The following DGLUCY variants were observed in gnomAD, a reference collection of about 807,000 sequenced individuals.
DGLUCY encodes the protein D-glutamate cyclase, mitochondrial.
DGLUCY carries 58 observed loss-of-function variants against 58.5 expected under a neutral mutation model. That is an observed-to-expected ratio of 0.99 (90% CI 0.80 to 1.23). The LOEUF (loss-of-function observed/expected upper bound fraction) is 1.23, where lower values mean the gene tolerates loss of function less well. DGLUCY is among the 50% of genes most tolerant of loss of function. The pLI is 0.00. For missense variants in DGLUCY, 779 were observed against 784.7 expected, an observed-to-expected ratio of 0.99 and a Z score of 0.09; for synonymous variants, 325 against 314.1, an observed-to-expected ratio of 1.03 and a Z score of -0.37.
At chr14:91,116,383 A>C (rs2044943818) in intron 1 of DGLUCY, among the ~76,000 whole-genome samples, 1 of 152,236 alleles carries the variant, frequency 6.6e-6, no homozygotes, top group Non-Finnish European at 1.5e-5. Flanking sequence ...GAGAAACTAA[A>C]TGACTGCCCT....
intron 1 of DGLUCY, among the ~76,000 whole-genome samples, chr14:91,136,466 T>G (rs918209630): frequency 6.6e-6 from 1 of 151,774 alleles, no homozygotes; most frequent in African/African-American, 2.4e-5. Flanking sequence ...GCAGATCACT[T>G]GAGGTCAGGA....
intron 13 of DGLUCY, 91 bp from the exon 14 acceptor site, chr14:91,224,593 C>G: frequency 7.4e-7 from 1 of 1,342,518 alleles, no homozygotes; most frequent in Non-Finnish European, 9.8e-7. Flanking sequence ...TATGTCAAGG[C>G]AAAGGATCCT....
At chr14:91,086,102 G>A (rs2044213383) in intron 1 of DGLUCY, among the ~76,000 whole-genome samples, 1 of 152,162 alleles carries the variant, frequency 6.6e-6, no homozygotes, top group South Asian at 2.1e-4. Context: ...AGGGATCTAG[G>A]TTTTGTGCTC....
intron 1 of DGLUCY, among the ~76,000 whole-genome samples, chr14:91,066,197 G>A (rs2043816462): frequency 6.6e-6 from 1 of 151,924 alleles, no homozygotes; most frequent in Non-Finnish European, 1.5e-5. Context: ...GGCCAACATG[G>A]TGAAACCCTG....
At chr14:91,134,151 T>C (rs1017043224) in intron 1 of DGLUCY, among the ~76,000 whole-genome samples, 9 of 152,192 alleles carry the variant, frequency 5.9e-5, no homozygotes, top group Admixed American at 2.0e-4. Context: ...CCCTTGACCC[T>C]TCCCTGTAAG....
At chr14:91,062,208 G>C (rs969750234) in intron 1 of DGLUCY, among the ~76,000 whole-genome samples, 1 of 152,042 alleles carries the variant, frequency 6.6e-6, no homozygotes, top group Admixed American at 6.6e-5. Context: ...TAGTTTTCAT[G>C]TATCGTAATA....
intron 1 of DGLUCY, among the ~76,000 whole-genome samples, chr14:91,157,273 GGATGGATGGGTGGGTGGATA>G (rs1307710496): frequency 1.3e-5 from 2 of 150,536 alleles, no homozygotes; most frequent in Admixed American, 1.3e-4. Context: ...ATGGGTGGAT[GGATGGATGGGTGGGTGGATA>G]GATGGATGGA....
intron 8 of DGLUCY, among the ~76,000 whole-genome samples, chr14:91,181,997 T>TTTA (rs2049207968): frequency 4.5e-5 from 6 of 132,018 alleles, no homozygotes; most frequent in African/African-American, 1.9e-4. Flanking sequence ...TTATTTATTT[T>TTTA]TGAGATGGAG....
At chr14:91,102,736 A>AGAGTGTATGT (rs1555391094) in intron 1 of DGLUCY, among the ~76,000 whole-genome samples, 12 of 60,734 alleles carry the variant, frequency 2.0e-4, no homozygotes, top group African/African-American at 5.5e-4. Context: ...GACCCCTTCC[A>AGAGTGTATGT]GTGTGTATGT....
chr14:91,115,892 G>T (rs2044906810), intron 1 of DGLUCY, among the ~76,000 whole-genome samples: 1 of 152,176 alleles, frequency 6.6e-6, no homozygotes, highest in Non-Finnish European at 1.5e-5. Flanking sequence ...GTAGCTGCTG[G>T]TTTGCCAAAG....
intron 3 of DGLUCY, 71 bp from the exon 4 acceptor site, chr14:91,167,151 AAAG>A (rs1414906343): frequency 5.3e-6 from 8 of 1,498,682 alleles, no homozygotes; most frequent in Middle Eastern, 5.0e-4. Context: ...AAAAAAAAAA[AAAG>A]AAAGAAAATC....
At chr14:91,179,339 CTG>C (rs2049030225) in intron 7 of DGLUCY, among the ~76,000 whole-genome samples, 1 of 152,178 alleles carries the variant, frequency 6.6e-6, no homozygotes, top group African/African-American at 2.4e-5. Context: ...AATCCCAGCA[CTG>C]TGGTAGGCTG....
intron 8 of DGLUCY, among the ~76,000 whole-genome samples, chr14:91,187,985 C>T (rs970498759): frequency 3.9e-5 from 6 of 152,142 alleles, no homozygotes; most frequent in African/African-American, 1.4e-4. Flanking sequence ...TGTACCATTT[C>T]CCTTCCCTCT....
At chr14:91,207,963 G>A (rs986159893) in intron 12 of DGLUCY, among the ~76,000 whole-genome samples, 4 of 152,082 alleles carry the variant, frequency 2.6e-5, no homozygotes. Context: ...GGTCAGGCTG[G>A]TCTCAAACTC....
chr14:91,159,471 A>G (rs1464536510), intron 2 of DGLUCY, among the ~76,000 whole-genome samples: 1 of 152,124 alleles, frequency 6.6e-6, no homozygotes, highest in Admixed American at 6.5e-5. Flanking sequence ...ACAAACAAAA[A>G]AGAAGTCAAC....
At chr14:91,138,880 C>A (rs954728339) in intron 1 of DGLUCY, among the ~76,000 whole-genome samples, 1 of 152,050 alleles carries the variant, frequency 6.6e-6, no homozygotes, top group African/African-American at 2.4e-5. Context: ...TATTGGCCTT[C>A]GAGACCATGA....
chr14:91,139,738 T>C (rs2046544169), intron 1 of DGLUCY, among the ~76,000 whole-genome samples: 1 of 152,194 alleles, frequency 6.6e-6, no homozygotes, highest in African/African-American at 2.4e-5. Flanking sequence ...ACAATCAAGG[T>C]GACACATAAA....
Position 91,215,440 on chromosome 14 carries a change from G to T in DGLUCY, c.1600G>T (p.Ala534Ser), listed in dbSNP as rs115874122. The change falls in exon 13 of 14, where the codon GCA becomes TCA. Residue 534 changes from alanine to serine, a missense_variant. Ala to Ser is a moderately conservative substitution (Grantham distance 99). Coordinates refer to ENST00000256324, the MANE Select transcript of DGLUCY (RefSeq NM_001102368.3). Reference protein sequence around the residue: ...SNWGGYALACALYILYSCAVH... With the variant: ...SNWGGYALACSLYILYSCAVH... ...CTGGGGAGGCTATGCCCTGGCCTGC[G>T]CACTCTACATCCTGTACTCATGTGC... 1.9e-6 allele frequency: 3 copies of T among 1,613,794 alleles called. No homozygotes were observed. The highest frequency in any genetic ancestry group is 1.1e-5 in the South Asian group (1 of 91,074).
chr14:91,162,761 G>A (rs777751338), intron 3 of DGLUCY, among the ~76,000 whole-genome samples: 15 of 152,072 alleles, frequency 9.9e-5, no homozygotes, highest in Non-Finnish European at 1.6e-4. Context: ...GCTGAGCATG[G>A]TGGTGTGCAC....
Sources: allele counts gnomAD v4.1 joint callset (sites outside exome capture counted in the v4.1 genomes callset), GRCh38; gene constraint gnomAD v4.1.1; transcripts MANE v1.5; gene names NCBI Gene and HGNC (gene_info 2026-07-23, HGNC 2026-07-21).